SLC26A2: variants seen among roughly 807,000 people sequenced by gnomAD.
SLC26A2 encodes the protein solute carrier family 26 member 2, also known as sulfate transporter.
In SLC26A2, 36 loss-of-function variants were observed where a neutral mutation model predicts 41.1. The ratio of observed to expected loss-of-function variants is 0.88; its 90% CI spans 0.67 to 1.16. SLC26A2 has a LOEUF of 1.16. Ranked by LOEUF, SLC26A2 falls within the 50% of genes most tolerant of loss-of-function variation. SLC26A2 has a pLI of 0.00. For missense variants in SLC26A2, 796 were observed against 869.6 expected (o/e 0.92, Z 1.07); for synonymous variants, 291 against 311.6 (o/e 0.93, Z 0.70).
chr5:149,966,666 A>G (rs1334899148), intron 1 of SLC26A2, among the ~76,000 whole-genome samples: 1 of 151,946 alleles, frequency 6.6e-6, no homozygotes, highest in Non-Finnish European at 1.5e-5. Flanking sequence ...GGAAATCCAA[A>G]TTGCTCCAGT....
chr5:149,966,545 T>G (rs532342735), intron 1 of SLC26A2, among the ~76,000 whole-genome samples: 2 of 152,338 alleles, frequency 1.3e-5, no homozygotes, highest in African/African-American at 4.8e-5. Flanking sequence ...AAAATCCCAG[T>G]ACAGGTTGAG....
At chr5:149,971,728 A>G (rs1754910144) in intron 1 of SLC26A2, among the ~76,000 whole-genome samples, 1 of 152,178 alleles carries the variant, frequency 6.6e-6, no homozygotes, top group African/African-American at 2.4e-5. Flanking sequence ...ACCACCTTCA[A>G]CTATTTTTTA....
chr5:149,964,027 A>C (rs1221986365), intron 1 of SLC26A2, among the ~76,000 whole-genome samples: 1 of 152,186 alleles, frequency 6.6e-6, no homozygotes, highest in Non-Finnish European at 1.5e-5. Flanking sequence ...AGGAGGAAGC[A>C]AGACAGTGGC....
Position 149,981,816 on chromosome 5 carries a change from GA to G in SLC26A2, c.*4del. ...GTCTGAGTCTTAGTAGTGATTAATTGAGAAGGTAGATAGAAGAATGTCTAGC... is the reference window on the plus strand; with the variant it reads ...GTCTGAGTCTTAGTAGTGATTAATTGGAAGGTAGATAGAAGAATGTCTAGC... On this transcript the variant is annotated 3_prime_UTR_variant, in exon 3 of 3. Coordinates refer to ENST00000286298, the MANE Select transcript of SLC26A2 (RefSeq NM_000112.4). 1.2e-6 allele frequency: 2 copies of G among 1,600,870 alleles called. No homozygotes were observed. The highest frequency in any genetic ancestry group is 8.6e-7 in the Non-Finnish European group (1 of 1,169,370).
intron 1 of SLC26A2, among the ~76,000 whole-genome samples, chr5:149,961,282 C>T (rs546065032): frequency 1.3e-5 from 2 of 152,210 alleles, no homozygotes; most frequent in Non-Finnish European, 2.9e-5. Flanking sequence ...CTTTTCCAGT[C>T]CTCGTTGATC....
Position 149,977,640 on chromosome 5 carries a change from T to C in SLC26A2, c.-13T>C, listed in dbSNP as rs1755015112. On this transcript the variant is annotated 5_prime_UTR_variant, in exon 2 of 3. Transcript: ENST00000286298. ...TTCTCTGGTGTAGGAAGCTGAACCA[T>C]CTATCTCCAGAAATGTCTTCAGAAA... The C allele has an allele frequency of 1.9e-6, 3 of 1,583,856 alleles. No homozygotes were observed. Among genetic ancestry groups the C allele is most frequent in the African/African-American group, 2.7e-5 (2 of 74,326 alleles).
Position 149,978,074 on chromosome 5 carries a change from T to C in SLC26A2, c.422T>C (p.Leu141Pro), listed in dbSNP as rs777500286. Reference sequence around the variant, plus strand: ...GCTGGCCAAGAACCTGTCTATGGTCTGTACACATCTTTTTTTGCCAGCATC... The same window carrying C: ...GCTGGCCAAGAACCTGTCTATGGTCCGTACACATCTTTTTTTGCCAGCATC... ...LLAGQEPVYG[L>P]YTSFFASIIY... Residue 141 changes from leucine to proline, a missense_variant, in exon 2 of 3, where the codon CTG becomes CCG. Leu to Pro is a moderately conservative substitution (Grantham distance 98, BLOSUM62 -3). Coordinates refer to ENST00000286298, the MANE Select transcript of SLC26A2 (RefSeq NM_000112.4). The C allele has an allele frequency of 4.4e-6, 7 of 1,605,336 alleles. No individual in the cohort carries two copies. The highest frequency in any genetic ancestry group is 6.0e-6 in the Non-Finnish European group (7 of 1,175,166).
rs104893918 is a variant in SLC26A2 at position 149,981,737 on chromosome 5, C to T, written c.2144C>T (p.Ala715Val). Reference sequence around the variant, plus strand: ...CTTCTCTTCTATAGTGTGTATGAAGCGATGGCTTTTGCAGAAGTATCTAAA... The same window carrying T: ...CTTCTCTTCTATAGTGTGTATGAAGTGATGGCTTTTGCAGAAGTATCTAAA... The part of the protein sequence containing the change: ...ENLLFYSVYE[A>V]MAFAEVSKNQ... The change falls in exon 3 of 3, where the codon GCG becomes GTG. Residue 715 changes from alanine to valine, a missense_variant. Physicochemically the swap from Ala to Val is moderately conservative, Grantham distance 64. Transcript: ENST00000286298. The T allele has an allele frequency of 4.7e-5, 75 of 1,610,836 alleles. No individual in the cohort carries two copies. The highest frequency in any genetic ancestry group is 5.7e-5 in the Non-Finnish European group (67 of 1,178,976).
rs750697624 is a variant in SLC26A2, at chr5:149,981,287, C to A, written c.1694C>A (p.Ser565Tyr). Reference sequence around the variant, plus strand: ...GTGGAAGAGTCTGAGGTCTTTGAATCTGTGTCTGCTTACAAGAACCTTCAG... The same window carrying A: ...GTGGAAGAGTCTGAGGTCTTTGAATATGTGTCTGCTTACAAGAACCTTCAG... The part of the protein sequence containing the change: ...GLVEESEVFE[S>Y]VSAYKNLQIK... The change falls in exon 3 of 3, where the codon TCT becomes TAT. Residue 565 changes from serine (S) to tyrosine (Y), a missense_variant. Transcript: ENST00000286298. 1 of 1,614,162 alleles carries A rather than the reference C, an allele frequency of 6.2e-7. No individual in the cohort carries two copies. The highest frequency in any genetic ancestry group is 8.5e-7 in the Non-Finnish European group (1 of 1,180,014).
At chr5:149,968,989 G>A (rs374184690) in intron 1 of SLC26A2, among the ~76,000 whole-genome samples, 2 of 151,576 alleles carry the variant, frequency 1.3e-5, no homozygotes, top group Non-Finnish European at 2.9e-5. Context: ...CGATTCACCC[G>A]CCTTGGCCTC....
rs781230263 is a variant in SLC26A2, at chr5:149,980,335, C to T, written c.742C>T (p.Leu248Phe). The T allele has an allele frequency of 6.2e-7, 1 of 1,614,138 alleles. No individual in the cohort carries two copies. Among genetic ancestry groups the T allele is most frequent in the South Asian group, 1.1e-5 (1 of 91,078 alleles). ...FFQVGFVSVY[L>F]SDALLSGFVT... is the part of the protein sequence containing the mutation. ...TCAAGTGGGTTTTGTTTCTGTCTAC[C>T]TCTCAGATGCCTTGCTGAGTGGATT... The change falls in exon 3 of 3, where the codon CTC (leucine) becomes TTC (phenylalanine). Residue 248 changes from leucine to phenylalanine, a missense_variant. Transcript: ENST00000286298.
Position 149,986,076 on chromosome 5 carries a change from G to A in SLC26A2, c.*4263G>A, listed in dbSNP as rs1034939305. 2 of 152,132 alleles carry A rather than the reference G, an allele frequency of 1.3e-5. No individual in the cohort carries two copies. The highest frequency in any genetic ancestry group is 6.6e-5 in the Admixed American group (1 of 15,266). The allele number at this position is 152,132 out of a possible 1,614,324, so 9.4% of individuals were successfully genotyped here. On this transcript the variant is annotated 3_prime_UTR_variant, in exon 3 of 3. Transcript: ENST00000286298. ...TGTTTTCTTTATCCATCCCAGTGAT[G>A]CCTTATTTGAAACTGGGCTTAAACT...
At chr5:149,977,448 T>C (rs1473944858) in intron 1 of SLC26A2, among the ~76,000 whole-genome samples, 180 bp from the exon 2 acceptor site, 2 of 152,202 alleles carry the variant, frequency 1.3e-5, no homozygotes, top group Non-Finnish European at 2.9e-5. Context: ...GGTCTGGTTC[T>C]GGTCTTTTTT....
intron 1 of SLC26A2, among the ~76,000 whole-genome samples, chr5:149,976,405 A>G (rs1311353075): frequency 6.6e-6 from 1 of 152,150 alleles, no homozygotes; most frequent in Non-Finnish European, 1.5e-5. Context: ...GTAGTATTTC[A>G]TTTGGGCTAG....
intron 1 of SLC26A2, among the ~76,000 whole-genome samples, chr5:149,962,427 C>T (rs1754728401): frequency 6.6e-6 from 1 of 151,900 alleles, no homozygotes; most frequent in African/African-American, 2.4e-5. Context: ...CAGCATTGAC[C>T]TCGTGGGTTC....
In SLC26A2 at chr5:149,980,517, C is replaced by A. The variant is rs767409327; in HGVS notation, c.924C>A (p.Ser308Arg). The A allele has an allele frequency of 6.8e-6, 11 of 1,614,124 alleles. No homozygotes were observed. Among genetic ancestry groups the A allele is most frequent in the Non-Finnish European group, 9.3e-6 (11 of 1,179,994 alleles). Residue 308 changes from serine to arginine, a missense_variant, in exon 3 of 3, where the codon AGC becomes AGA. Ser to Arg is a moderately radical substitution (Grantham distance 110). Transcript: ENST00000286298. ...CCAATCTCTGTGATCTTATCACCAG[C>A]CTTTTGTGCCTTTTGGTTCTTTTGC... ...HKTNLCDLIT[S>R]LLCLLVLLPT...
In SLC26A2 at chr5:149,980,625, A is replaced by G. The variant is rs1185306663; in HGVS notation, c.1032A>G (p.Thr344=). 6.2e-7 allele frequency: 1 copy of G among 1,614,026 alleles called. No individual in the cohort carries two copies. The highest frequency in any genetic ancestry group is 1.3e-5 in the African/African-American group (1 of 74,942). The change falls in exon 3 of 3, where the codon ACA becomes ACG. Residue 344 remains threonine (T), a synonymous_variant. Transcript: ENST00000286298. ...AACTTGTTGTTGTTGTAGCAGCCACATTAGCCTCTCATTTTGGAAAACTAC... is the reference window on the plus strand; with the variant it reads ...AACTTGTTGTTGTTGTAGCAGCCACGTTAGCCTCTCATTTTGGAAAACTAC... ...PIELVVVVAA[T]LASHFGKLHE...
At position 149,985,194 on chromosome 5, in the gene SLC26A2, T is replaced by C. The variant is rs1257665711; in HGVS notation, c.*3381T>C. 1 of 152,250 alleles carries C rather than the reference T, an allele frequency of 6.6e-6. No individual in the cohort carries two copies. The highest frequency in any genetic ancestry group is 1.5e-5 in the Non-Finnish European group (1 of 68,072). The allele number at this position is 152,250 out of a possible 1,614,324, so 9.4% of individuals were successfully genotyped here. On this transcript the variant is annotated 3_prime_UTR_variant, in exon 3 of 3. Transcript: ENST00000286298. ...ACAGATTCACCAAAGCTGAAAGGGC[T>C]GAGGAGCTCATGGTAGCCTGGGCTG...
intron 1 of SLC26A2, chr5:149,961,874 A>G (rs1754713102): frequency 6.6e-6 from 1 of 152,246 alleles, no homozygotes; most frequent in Admixed American, 6.5e-5. Context: ...AGGATATAGC[A>G]AGGGACAGAG....
Sources: allele counts gnomAD v4.1 joint callset (sites outside exome capture counted in the v4.1 genomes callset), GRCh38; gene constraint gnomAD v4.1.1; transcripts MANE v1.5; gene names NCBI Gene and HGNC (gene_info 2026-07-23, HGNC 2026-07-21).